FANCA: variants seen among roughly 807,000 people sequenced by gnomAD.
FANCA encodes FA complementation group A, also known as Fanconi anemia group A protein.
FANCA carries 236 observed loss-of-function variants against 194.3 expected under a neutral mutation model. That is an observed-to-expected ratio of 1.21 (90% CI 1.09 to 1.35). The LOEUF (loss-of-function observed/expected upper bound fraction) is 1.35. Ranked by LOEUF, FANCA falls within the 40% of genes most tolerant of loss-of-function variation. The pLI is 0.00. For missense variants in FANCA, 2,628 were observed against 1,813.9 expected (o/e 1.45, Z -8.15); for synonymous variants, 1,014 against 715.8 (o/e 1.42, Z -6.65).
intron 30 of FANCA, among the ~76,000 whole-genome samples, chr16:89,755,735 C>T (rs2038745455): frequency 6.6e-6 from 1 of 152,212 alleles, no homozygotes; most frequent in Non-Finnish European, 1.5e-5. Context: ...CAAATACAGT[C>T]ATGAACTGCT....
At chr16:89,755,055 A>G (rs1467526593) in intron 30 of FANCA, among the ~76,000 whole-genome samples, 1 of 152,184 alleles carries the variant, frequency 6.6e-6, no homozygotes, top group Non-Finnish European at 1.5e-5. Context: ...AGGGAACACA[A>G]TGAGAGCCAG....
At chr16:89,766,028 G>A (rs897028829) in intron 27 of FANCA, among the ~76,000 whole-genome samples, 2 of 150,256 alleles carry the variant, frequency 1.3e-5, no homozygotes, top group African/African-American at 2.5e-5. Context: ...GTGGAGTCTC[G>A]CTCTGTTGCC....
At chr16:89,798,891 G>C in intron 10 of FANCA, 3 of 1,582,676 alleles carry the variant, frequency 1.9e-6, no homozygotes, top group Non-Finnish European at 2.6e-6. Flanking sequence ...GTCACAGTGA[G>C]TGGGACAAAC....
chr16:89,791,704 A>G, intron 13 of FANCA, 168 bp from the exon 14 acceptor site: 1 of 1,060,566 alleles, frequency 9.4e-7, no homozygotes, highest in Non-Finnish European at 1.4e-6. Context: ...AAACCACTAG[A>G]GACCTGAATG....
chr16:89,759,685 C>G (rs1260392415), intron 29 of FANCA, among the ~76,000 whole-genome samples: 2 of 152,206 alleles, frequency 1.3e-5, no homozygotes, highest in Non-Finnish European at 2.9e-5. Context: ...CACTCGAGCT[C>G]TGGAGAGGGA....
chr16:89,741,284 C>G (rs2062127063), intron 37 of FANCA, among the ~76,000 whole-genome samples: 1 of 152,238 alleles, frequency 6.6e-6, no homozygotes, highest in Non-Finnish European at 1.5e-5. Flanking sequence ...ACACTCCTCG[C>G]TGCACACTAG....
intron 39 of FANCA, 57 bp from the exon 40 acceptor site, chr16:89,739,610 C>T: frequency 1.3e-6 from 2 of 1,535,824 alleles, no homozygotes; most frequent in Non-Finnish European, 1.8e-6. Flanking sequence ...ATTATCAGTG[C>T]TGGGGACACC....
Position 89,773,322 on chromosome 16 carries a change from C to T in FANCA, c.1963G>A (p.Ala655Thr). Residue 655 changes from alanine to threonine, a missense_variant, in exon 22 of 43, where the codon GCT becomes ACT. Physicochemically the swap from Ala to Thr is moderately conservative, Grantham distance 58 (BLOSUM62 0). Transcript: ENST00000389301. The part of the protein sequence containing the change: ...SAEEPLGQLT[A>T]ALGELRASMT... ...GAGGCTCTCAGCTCTCCCAGTGCAG[C>T]TGTGAGCTGTCCCAGGGGCTCCTCA... 3 of 1,551,610 alleles carry T rather than the reference C, an allele frequency of 1.9e-6. No homozygotes were observed. Among genetic ancestry groups the T allele is most frequent in the Non-Finnish European group, 2.6e-6 (3 of 1,146,986 alleles).
At chr16:89,740,207 A>T (rs1471141500) in intron 38 of FANCA, 108 bp from the exon 39 acceptor site, 1 of 921,448 alleles carries the variant, frequency 1.1e-6, no homozygotes, top group Non-Finnish European at 1.8e-6. Flanking sequence ...TGCTTATTGT[A>T]AGTCTTAAAA....
chr16:89,813,285 G>A lies in FANCA; in HGVS notation c.283+1235C>T, dbSNP rs189435245. Among the ~76,000 whole-genome samples, 626 of 151,872 alleles carry A rather than the reference G, an allele frequency of 4.1e-3. 5 individuals are homozygous for A. Among genetic ancestry groups the A allele is most frequent in the African/African-American group, 0.014 (595 of 41,402 alleles). On this transcript the variant is annotated intron_variant, in intron 3 of 42. Coordinates refer to ENST00000389301, the MANE Select transcript of FANCA (RefSeq NM_000135.4). ...TAGCCAGGCATGGTGGCGCACACCT[G>A]TAGTCCCAGCTACTCAAGATGCTGG...
At chr16:89,774,770 C>G (rs1488911306) in intron 21 of FANCA, among the ~76,000 whole-genome samples, 1 of 136,732 alleles carries the variant, frequency 7.3e-6, no homozygotes. Flanking sequence ...ACGAGCCTCC[C>G]TGGCCCTGCA....
rs1184324290 is a variant in FANCA, at chr16:89,739,188, C to T, written c.4112G>A (p.Gly1371Glu). 4 of 1,614,150 alleles carry T rather than the reference C, an allele frequency of 2.5e-6. No individual in the cohort carries two copies. Among genetic ancestry groups the T allele is most frequent in the East Asian group, 4.5e-5 (2 of 44,888 alleles). Reference sequence around the variant, plus strand: ...TGGAGGTGAAACTGTGCTTGTATCCCCAGCCACGAAGAGCTGGACCAGCTT... The same window carrying T: ...TGGAGGTGAAACTGTGCTTGTATCCTCAGCCACGAAGAGCTGGACCAGCTT... ...YLKLVQLFVAGDTSTVSPPAG... is the reference protein window; with the variant it reads ...YLKLVQLFVAEDTSTVSPPAG... Residue 1371 changes from glycine to glutamate, a missense_variant, in exon 41 of 43, where the codon GGG becomes GAG. Gly to Glu is a moderately conservative substitution (Grantham distance 98, BLOSUM62 -2). Coordinates refer to ENST00000389301, the MANE Select transcript of FANCA (RefSeq NM_000135.4).
chr16:89,807,481 G>A (rs2040700544), intron 6 of FANCA, among the ~76,000 whole-genome samples: 1 of 151,660 alleles, frequency 6.6e-6, no homozygotes, highest in Non-Finnish European at 1.5e-5. Flanking sequence ...CGCGCGAGGT[G>A]GCTCATGCCT....
intron 15 of FANCA, among the ~76,000 whole-genome samples, chr16:89,783,720 T>G (rs1426022889): frequency 2.6e-5 from 4 of 152,106 alleles, no homozygotes; most frequent in Non-Finnish European, 5.9e-5. Flanking sequence ...CGCCTGCAGC[T>G]CCATGCCTTT....
intron 30 of FANCA, among the ~76,000 whole-genome samples, chr16:89,753,747 G>A (rs1020685496): frequency 4.6e-5 from 7 of 152,076 alleles, no homozygotes; most frequent in African/African-American, 9.7e-5. Flanking sequence ...GAACAGTGTC[G>A]CTGCCTCTAC....
Position 89,740,794 on chromosome 16 carries a change from T to G in FANCA, c.3828+10A>C, listed in dbSNP as rs368372404. On this transcript the variant is annotated intron_variant, in intron 38 of 42. Transcript: ENST00000389301. Reference sequence around the variant, plus strand: ...GGAGAGGACACCTTGGCTGGTAAGGTCTGACTTACATTTGAGGTCAGATGT... The same window carrying G: ...GGAGAGGACACCTTGGCTGGTAAGGGCTGACTTACATTTGAGGTCAGATGT... 6.2e-7 allele frequency: 1 copy of G among 1,612,778 alleles called. No homozygotes were observed. The highest frequency in any genetic ancestry group is 8.5e-7 in the Non-Finnish European group (1 of 1,179,204).
At chr16:89,751,157 T>C (rs1284137928) in intron 31 of FANCA, among the ~76,000 whole-genome samples, 4 of 152,128 alleles carry the variant, frequency 2.6e-5, no homozygotes, top group Non-Finnish European at 5.9e-5. Context: ...CCTCCCAAAG[T>C]GCTGGGATTA....
At chr16:89,746,709 G>A (rs557783420) in intron 34 of FANCA, 21 bp from the exon 35 acceptor site, 1 of 1,611,744 alleles carries the variant, frequency 6.2e-7, no homozygotes. Flanking sequence ...GAACGCAGCA[G>A]GAGGTCAGCG....
intron 11 of FANCA, among the ~76,000 whole-genome samples, chr16:89,793,580 C>T (rs984890642): frequency 6.6e-6 from 1 of 152,002 alleles, no homozygotes; most frequent in Admixed American, 6.6e-5. Flanking sequence ...TGCCTTGGTG[C>T]CTGGGTGGCT....
Sources: allele counts gnomAD v4.1 joint callset (sites outside exome capture counted in the v4.1 genomes callset), GRCh38; gene constraint gnomAD v4.1.1; transcripts MANE v1.5; gene names NCBI Gene and HGNC (gene_info 2026-07-23, HGNC 2026-07-21).